The following SERGEF variants were observed in gnomAD, a reference collection of about 807,000 sequenced individuals.
SERGEF encodes the protein secretion regulating guanine nucleotide exchange factor.
Under a neutral mutation model 50.0 loss-of-function variants are expected in SERGEF, and 51 were observed. The observed-to-expected ratio is 1.02, with a 90% CI of 0.81 to 1.29. The LOEUF is 1.29. Ranked by LOEUF, SERGEF falls within the 50% of genes most tolerant of loss-of-function variation. The pLI is 0.00. For synonymous variants in SERGEF, 205 were observed against 212.4 expected (o/e 0.97, Z 0.30); for missense variants, 521 against 557.0 (o/e 0.94, Z 0.65).
Position 17,880,936 on chromosome 11 carries a change from A to G in SERGEF, c.1012-2692T>C, listed in dbSNP as rs571502103. On this transcript the variant is annotated intron_variant, in intron 9 of 10. Coordinates refer to ENST00000265965, the MANE Select transcript of SERGEF (RefSeq NM_012139.4). Reference sequence around the variant, plus strand: ...AGTAACTGTAGGAATTAAAGCCAGCATATATTGAGGATTCATACATGCCAG... The same window carrying G: ...AGTAACTGTAGGAATTAAAGCCAGCGTATATTGAGGATTCATACATGCCAG... Among the ~76,000 whole-genome samples, 30 of 152,352 alleles carry G rather than the reference A, an allele frequency of 2.0e-4. No individual in the cohort carries two copies. In the South Asian group the frequency reaches 5.2e-3, roughly 26 times the overall value.
intron 10 of SERGEF, among the ~76,000 whole-genome samples, chr11:17,873,092 T>C (rs1851175312): frequency 6.6e-6 from 1 of 152,130 alleles, no homozygotes; most frequent in East Asian, 1.9e-4. Context: ...AACAAAAAGA[T>C]GAAGTACTCC....
At chr11:17,827,041 C>G (rs556494474) in intron 10 of SERGEF, among the ~76,000 whole-genome samples, 2 of 152,116 alleles carry the variant, frequency 1.3e-5, no homozygotes, top group Non-Finnish European at 2.9e-5. Flanking sequence ...TAAATAGATG[C>G]CTGGATTTTA....
At chr11:17,822,762 GA>G (rs1161532506) in intron 10 of SERGEF, among the ~76,000 whole-genome samples, 1 of 152,148 alleles carries the variant, frequency 6.6e-6, no homozygotes, top group Non-Finnish European at 1.5e-5. Context: ...TCGAAGAACC[GA>G]GCCTAGAGGG....
chr11:17,994,072 AC>A (rs1486681816), intron 6 of SERGEF, among the ~76,000 whole-genome samples: 3 of 152,194 alleles, frequency 2.0e-5, no homozygotes, highest in African/African-American at 2.4e-5. Context: ...CACCGCTTCC[AC>A]CCTTTAAAAG....
chr11:17,924,755 A>G (rs1006212987), intron 9 of SERGEF, among the ~76,000 whole-genome samples: 5 of 152,238 alleles, frequency 3.3e-5, no homozygotes, highest in African/African-American at 1.2e-4. Context: ...TGAGTCTCAG[A>G]AAAATTGCAA....
At chr11:17,896,949 A>C (rs537000449) in intron 9 of SERGEF, among the ~76,000 whole-genome samples, 32 of 151,680 alleles carry the variant, frequency 2.1e-4, no homozygotes, top group Non-Finnish European at 3.8e-4. Flanking sequence ...AAGTCTTAAA[A>C]AGTCAAAGTA....
At chr11:17,834,292 C>T (rs1420488684) in intron 10 of SERGEF, among the ~76,000 whole-genome samples, 1 of 152,168 alleles carries the variant, frequency 6.6e-6, no homozygotes, top group Non-Finnish European at 1.5e-5. Flanking sequence ...TGAGGTGCTC[C>T]TCCTTGCCTT....
At chr11:17,918,009 A>AT (rs1852080655) in intron 9 of SERGEF, among the ~76,000 whole-genome samples, 1 of 152,226 alleles carries the variant, frequency 6.6e-6, no homozygotes, top group Admixed American at 6.5e-5. Flanking sequence ...CATCCTCATT[A>AT]TGCCTGTGGT....
intron 9 of SERGEF, among the ~76,000 whole-genome samples, chr11:17,916,433 C>T (rs1365510167): frequency 6.6e-6 from 1 of 152,162 alleles, no homozygotes; most frequent in Non-Finnish European, 1.5e-5. Flanking sequence ...TTAACTGCAG[C>T]AGAGATTTCT....
chr11:17,993,074 C>G, intron 6 of SERGEF, 81 bp from the exon 7 acceptor site: 1 of 1,172,334 alleles, frequency 8.5e-7, no homozygotes, highest in Non-Finnish European at 1.2e-6. Context: ...GCCAGTACCA[C>G]CTGGGCGTGG....
chr11:17,802,429 A>G (rs1420357652), intron 10 of SERGEF, among the ~76,000 whole-genome samples: 1 of 152,160 alleles, frequency 6.6e-6, no homozygotes, highest in African/African-American at 2.4e-5. Context: ...CCCCTCCCAG[A>G]CAAGGGGGCT....
chr11:17,956,500 A>G (rs957976035), intron 9 of SERGEF, among the ~76,000 whole-genome samples: 16 of 152,188 alleles, frequency 1.1e-4, no homozygotes, highest in African/African-American at 3.6e-4. Flanking sequence ...AGACAAAATA[A>G]TATCTGCAAA....
chr11:17,978,278 TA>T (rs879878729), intron 8 of SERGEF, among the ~76,000 whole-genome samples: 298 of 144,854 alleles, frequency 2.1e-3, no homozygotes, highest in Admixed American at 2.4e-3. Flanking sequence ...CCTTGGAAAT[TA>T]AAAAAAAAAA....
intron 10 of SERGEF, among the ~76,000 whole-genome samples, chr11:17,830,645 G>GGGGA (rs1565179387): frequency 5.2e-5 from 1 of 19,382 alleles, no homozygotes; most frequent in African/African-American, 2.8e-4. Context: ...GGAGGGAGAG[G>GGGGA]GAGGGAGAGA....
At chr11:17,836,643 T>C (rs1850403838) in intron 10 of SERGEF, among the ~76,000 whole-genome samples, 1 of 152,204 alleles carries the variant, frequency 6.6e-6, no homozygotes, top group African/African-American at 2.4e-5. Flanking sequence ...ACACACTGTC[T>C]TGTTTTCTGT....
chr11:17,997,132 G>A (rs1565226515), intron 5 of SERGEF, among the ~76,000 whole-genome samples: 1 of 152,198 alleles, frequency 6.6e-6, no homozygotes, highest in Non-Finnish European at 1.5e-5. Flanking sequence ...GGGTGGTGGA[G>A]GCTGCAGTGA....
At chr11:17,909,454 G>T (rs1271497695) in intron 9 of SERGEF, among the ~76,000 whole-genome samples, 1 of 152,206 alleles carries the variant, frequency 6.6e-6, no homozygotes, top group East Asian at 1.9e-4. Flanking sequence ...ACCATTCCCA[G>T]TGGGAGATTC....
At chr11:17,857,663 T>C (rs1458024195) in intron 10 of SERGEF, among the ~76,000 whole-genome samples, 1 of 152,092 alleles carries the variant, frequency 6.6e-6, no homozygotes, top group Non-Finnish European at 1.5e-5. Context: ...AACTCACAAA[T>C]ACAAAGGCCA....
At chr11:17,887,938 C>T (rs1373414440) in intron 9 of SERGEF, among the ~76,000 whole-genome samples, 1 of 152,146 alleles carries the variant, frequency 6.6e-6, no homozygotes. Context: ...GGCAAGGGAG[C>T]GAAGCTTCAT....
Sources: gnomAD v4.1 joint callset for allele counts (sites outside exome capture counted in the v4.1 genomes callset) on GRCh38, gnomAD v4.1.1 for gene constraint, MANE v1.5 for transcripts, NCBI Gene and HGNC (gene_info 2026-07-23, HGNC 2026-07-21) for gene names.